Variants in COL5A2 observed in about 807,000 individuals in gnomAD.
COL5A2 encodes collagen type V alpha 2 chain.
A neutral mutation model predicts 208.2 loss-of-function variants in COL5A2; 23 were observed. The ratio of observed to expected loss-of-function variants is 0.11; its 90% CI spans 0.08 to 0.16. COL5A2 has a LOEUF of 0.16. Among genes scored for constraint, COL5A2 ranks in the 10% least tolerant of loss-of-function variants. The probability of loss-of-function intolerance (pLI) is 1.00; values close to 1 mark genes in which losing one functional copy is unlikely to be tolerated. For missense variants in COL5A2, 1,590 were observed against 1,956.4 expected (o/e 0.81, Z 3.53); for synonymous variants, 625 against 628.5 (o/e 0.99, Z 0.08).
chr2:189,364,432 A>C, the COL5A2 span, among the ~76,000 whole-genome samples: 4 of 152,206 alleles, frequency 2.6e-5, no homozygotes, highest in Non-Finnish European at 2.9e-5. Context: ...CACGCCTCTA[A>C]TCCCAGCACT....
At chr2:189,083,894 G>A (rs1686593192) in intron 12 of COL5A2, 90 bp downstream of exon 12, 1 of 942,578 alleles carries the variant, frequency 1.1e-6, no homozygotes. Context: ...CATTTACTTA[G>A]TGCCTGATAC....
chr2:189,040,809 A>G (rs1402511047), intron 50 of COL5A2, among the ~76,000 whole-genome samples: 1 of 152,206 alleles, frequency 6.6e-6, no homozygotes, highest in Non-Finnish European at 1.5e-5. Flanking sequence ...AAGGTATTCC[A>G]ATTTTCTAGC....
At chr2:189,192,687 G>A (rs1474098315) in intron 1 of COL5A2, among the ~76,000 whole-genome samples, 2 of 152,038 alleles carry the variant, frequency 1.3e-5, no homozygotes, top group Non-Finnish European at 2.9e-5. Context: ...AGCTATTTTT[G>A]GACATTAAAA....
At chr2:189,057,157 C>A in intron 34 of COL5A2, 131 bp from the exon 35 acceptor site, 1 of 1,102,812 alleles carries the variant, frequency 9.1e-7, no homozygotes, top group East Asian at 2.4e-5. Context: ...GATGGTGCCT[C>A]ACACTGTGCA....
the COL5A2 span, among the ~76,000 whole-genome samples, chr2:189,388,629 T>C: frequency 1.3e-5 from 2 of 152,312 alleles, no homozygotes; most frequent in Non-Finnish European, 2.9e-5. Context: ...AAGGTCATCA[T>C]TGTACAAAAA....
upstream of COL5A2, among the ~76,000 whole-genome samples, chr2:189,228,895 G>T (rs773807502): frequency 1.9e-4 from 29 of 151,810 alleles, no homozygotes; most frequent in Admixed American, 6.6e-4. Flanking sequence ...TGATGATTTA[G>T]ATGCAAAAAT....
Position 189,062,894 on chromosome 2 carries a change from C to T in COL5A2, c.1948G>A (p.Val650Ile). 6.2e-7 allele frequency: 1 copy of T among 1,614,090 alleles called. No individual in the cohort carries two copies. The highest frequency in any genetic ancestry group is 1.1e-5 in the South Asian group (1 of 91,082). ...GGGCCCACAGGACCAGAAGGACCAA[C>T]TTCACCATCTTTTCCAGGAGCTCCC... is the stretch of plus-strand genomic sequence containing the variant. ...QRGAPGKDGEVGPSGPVGPPG... is the reference protein window; with the variant it reads ...QRGAPGKDGEIGPSGPVGPPG... Residue 650 changes from valine (V) to isoleucine (I), a missense_variant, in exon 29 of 54, where the codon GTT (valine) becomes ATT (isoleucine). Transcript: ENST00000374866.
chr2:189,324,556 C>T, the COL5A2 span, among the ~76,000 whole-genome samples: 1 of 152,138 alleles, frequency 6.6e-6, no homozygotes, highest in Non-Finnish European at 1.5e-5. Context: ...CCAACAGACA[C>T]ATGAAAAAAT....
At chr2:189,099,555 G>C (rs1169394857) in intron 4 of COL5A2, among the ~76,000 whole-genome samples, 1 of 152,164 alleles carries the variant, frequency 6.6e-6, no homozygotes, top group Non-Finnish European at 1.5e-5. Flanking sequence ...AATCTGGGAG[G>C]TGGAGGTTGC....
the COL5A2 span, among the ~76,000 whole-genome samples, chr2:189,390,340 G>A: frequency 1.3e-5 from 2 of 152,116 alleles, no homozygotes; most frequent in African/African-American, 4.8e-5. Flanking sequence ...AACAGTGTTT[G>A]TAAATACAAA....
chr2:189,067,947 A>G, intron 21 of COL5A2, 68 bp downstream of exon 21: 1 of 1,242,510 alleles, frequency 8.0e-7, no homozygotes, highest in South Asian at 1.2e-5. Flanking sequence ...ATCACATGAC[A>G]TGTTATTACT....
At chr2:189,245,041 A>G in the COL5A2 span, among the ~76,000 whole-genome samples, 1 of 152,206 alleles carries the variant, frequency 6.6e-6, no homozygotes, top group Admixed American at 6.5e-5. Flanking sequence ...ATTCACTATT[A>G]CAAGAACATT....
the COL5A2 span, among the ~76,000 whole-genome samples, chr2:189,387,963 T>C: frequency 6.6e-6 from 1 of 152,128 alleles, no homozygotes; most frequent in East Asian, 1.9e-4. Context: ...TTTTGTATTT[T>C]TTGTAGGGAC....
chr2:189,215,766 G>A (rs1031669907), intron 1 of COL5A2, among the ~76,000 whole-genome samples: 3 of 151,966 alleles, frequency 2.0e-5, no homozygotes, highest in Non-Finnish European at 4.4e-5. Context: ...TAGTTTCCCT[G>A]TCCAGAATTC....
At chr2:189,316,153 T>G in the COL5A2 span, among the ~76,000 whole-genome samples, 1 of 152,162 alleles carries the variant, frequency 6.6e-6, no homozygotes, top group African/African-American at 2.4e-5. Context: ...TAAAGACACA[T>G]GCACATGTAT....
At chr2:189,093,321 T>C (rs1686827495) in intron 6 of COL5A2, among the ~76,000 whole-genome samples, 1 of 152,208 alleles carries the variant, frequency 6.6e-6, no homozygotes, top group South Asian at 2.1e-4. Context: ...TCAGGCAATA[T>C]GCTTTTTATA....
chr2:189,407,213 G>GT, the COL5A2 span, among the ~76,000 whole-genome samples: 7 of 151,730 alleles, frequency 4.6e-5, no homozygotes, highest in South Asian at 2.1e-4. Context: ...ACCTGTAAAG[G>GT]TTTTTTTTAC....
At chr2:189,152,029 T>G (rs1688152939) in intron 1 of COL5A2, among the ~76,000 whole-genome samples, 1 of 151,964 alleles carries the variant, frequency 6.6e-6, no homozygotes, top group Non-Finnish European at 1.5e-5. Flanking sequence ...AAGAGTCAAA[T>G]AATTACAATG....
At chr2:189,155,447 C>T (rs1208537368) in intron 1 of COL5A2, among the ~76,000 whole-genome samples, 2 of 152,152 alleles carry the variant, frequency 1.3e-5, no homozygotes, top group South Asian at 2.1e-4. Flanking sequence ...GTACCATTCT[C>T]CAGAACAGCA....
Sources: allele counts gnomAD v4.1 joint callset (sites outside exome capture counted in the v4.1 genomes callset), GRCh38; gene constraint gnomAD v4.1.1; transcripts MANE v1.5; gene names NCBI Gene and HGNC (gene_info 2026-07-23, HGNC 2026-07-21).